MITF: variants seen among roughly 807,000 people sequenced by gnomAD.
The protein encoded by MITF is microphthalmia-associated transcription factor.
MITF carries 17 observed loss-of-function variants against 60.5 expected under a neutral mutation model. The ratio of observed to expected loss-of-function variants is 0.28; its 90% CI spans 0.19 to 0.42. The LOEUF (loss-of-function observed/expected upper bound fraction) is 0.42. Ranked by LOEUF, MITF falls within the 10% of genes least tolerant of loss-of-function variation. MITF has a pLI of 1.00. For synonymous variants in MITF, 260 were observed against 248.5 expected (o/e 1.05, Z -0.43); for missense variants, 622 against 683.5 (o/e 0.91, Z 1.00).
At chr3:69,926,470 A>G (rs774359251) in intron 2 of MITF, among the ~76,000 whole-genome samples, 27 of 152,138 alleles carry the variant, frequency 1.8e-4, no homozygotes, top group Non-Finnish European at 3.2e-4. Context: ...GTTTCTTAAG[A>G]GTGTCGGTAC....
chr3:69,767,080 A>G (rs1048069493), intron 1 of MITF, among the ~76,000 whole-genome samples: 3 of 152,220 alleles, frequency 2.0e-5, no homozygotes, highest in African/African-American at 7.2e-5. Context: ...GGGTCTAGAC[A>G]GTATTCTTCC....
rs569489933 is a variant in MITF, at chr3:69,941,228, T to C, written c.667-8T>C. 6.3e-7 allele frequency: 1 copy of C among 1,588,766 alleles called. No homozygotes were observed. The highest frequency in any genetic ancestry group is 1.1e-5 in the South Asian group (1 of 90,460). ...TTTGTCTCTCTTCTCTTACCCTTTT[T>C]CCTACAGATGGATGATGTAATCGAT... On this transcript the variant is annotated splice_region_variant and splice_polypyrimidine_tract_variant and intron_variant, in intron 4 of 9. Coordinates refer to ENST00000352241, the MANE Select transcript of MITF (RefSeq NM_001354604.2).
At chr3:69,815,552 T>C (rs1384796480) in intron 1 of MITF, among the ~76,000 whole-genome samples, 1 of 152,234 alleles carries the variant, frequency 6.6e-6, no homozygotes, top group Non-Finnish European at 1.5e-5. Context: ...CTTACTTTAT[T>C]GTAAGAATAC....
intron 1 of MITF, among the ~76,000 whole-genome samples, chr3:69,841,157 A>T (rs1329554732): frequency 6.6e-6 from 1 of 152,252 alleles, no homozygotes; most frequent in Non-Finnish European, 1.5e-5. Flanking sequence ...ATGAGAATAC[A>T]TTCAAGACTA....
At chr3:69,770,378 C>T (rs1037527144) in intron 1 of MITF, among the ~76,000 whole-genome samples, 3 of 152,134 alleles carry the variant, frequency 2.0e-5, no homozygotes, top group Non-Finnish European at 2.9e-5. Flanking sequence ...TACCTCATTA[C>T]TTTTAGAGTC....
intron 1 of MITF, among the ~76,000 whole-genome samples, chr3:69,754,342 G>A (rs780580567): frequency 3.3e-5 from 5 of 151,900 alleles, no homozygotes; most frequent in Non-Finnish European, 7.4e-5. Context: ...TCAGACTACC[G>A]AGTAGCTGGG....
intron 1 of MITF, among the ~76,000 whole-genome samples, chr3:69,754,634 T>A (rs1206850779): frequency 6.6e-6 from 1 of 152,180 alleles, no homozygotes; most frequent in Non-Finnish European, 1.5e-5. Flanking sequence ...TCTTTTTTTT[T>A]TTTTTGAAAT....
At chr3:69,862,191 G>T (rs528825278) in intron 1 of MITF, among the ~76,000 whole-genome samples, 1 of 152,164 alleles carries the variant, frequency 6.6e-6, no homozygotes, top group South Asian at 2.1e-4. Context: ...TCATTTGTTT[G>T]GGGAAAGATC....
chr3:69,818,216 AG>A (rs1559649414), intron 1 of MITF, among the ~76,000 whole-genome samples: 1 of 152,210 alleles, frequency 6.6e-6, no homozygotes. Context: ...ATGCAACTTA[AG>A]GGGACCTAGG....
At chr3:69,795,086 T>G (rs1205354352) in intron 1 of MITF, among the ~76,000 whole-genome samples, 2 of 152,190 alleles carry the variant, frequency 1.3e-5, no homozygotes, top group African/African-American at 4.8e-5. Context: ...ATGTCTTCAG[T>G]GGATGATGTA....
chr3:69,929,126 A>C (rs770156115), intron 2 of MITF, among the ~76,000 whole-genome samples: 1 of 152,122 alleles, frequency 6.6e-6, no homozygotes. Flanking sequence ...TCAGAATCCT[A>C]GCCTACAACC....
intron 2 of MITF, among the ~76,000 whole-genome samples, chr3:69,886,327 A>G (rs899581828): frequency 1.3e-5 from 2 of 152,120 alleles, no homozygotes; most frequent in African/African-American, 4.8e-5. Context: ...GATATTAATT[A>G]TAGGGTGGAT....
intron 2 of MITF, among the ~76,000 whole-genome samples, chr3:69,885,196 TTAAG>T (rs1186814975): frequency 1.3e-5 from 2 of 152,046 alleles, no homozygotes; most frequent in Non-Finnish European, 2.9e-5. Flanking sequence ...CGCTCTCTCT[TTAAG>T]TAGGAGAATC....
intron 1 of MITF, among the ~76,000 whole-genome samples, chr3:69,842,524 T>C (rs1270783748): frequency 6.6e-6 from 1 of 152,112 alleles, no homozygotes; most frequent in African/African-American, 2.4e-5. Flanking sequence ...AATTATAGCA[T>C]CAGAAGTGAA....
chr3:69,825,607 G>A (rs2063341738), intron 1 of MITF, among the ~76,000 whole-genome samples: 1 of 152,140 alleles, frequency 6.6e-6, no homozygotes, highest in African/African-American at 2.4e-5. Flanking sequence ...CTCATATCTT[G>A]TGATAGGGCC....
chr3:69,816,788 C>T (rs558034137), intron 1 of MITF, among the ~76,000 whole-genome samples: 1 of 152,244 alleles, frequency 6.6e-6, no homozygotes, highest in African/African-American at 2.4e-5. Context: ...TATTAAGGCT[C>T]ATTCATTGAT....
rs771410766 is a variant in MITF at position 69,965,254 on chromosome 3, C to G, written c.*6C>G. The G allele has an allele frequency of 6.2e-7, 1 of 1,612,500 alleles. No individual in the cohort carries two copies. Among genetic ancestry groups the G allele is most frequent in the Admixed American group, 1.7e-5 (1 of 60,008 alleles). ...AGACGGAGCACACTTGTTAGCGAAT[C>G]CTCCCTGCACTGCATTCGCACAAAC... On this transcript the variant is annotated 3_prime_UTR_variant, in exon 10 of 10. Transcript: ENST00000352241.
chr3:69,800,033 G>A (rs921548952), intron 1 of MITF, among the ~76,000 whole-genome samples: 4 of 152,142 alleles, frequency 2.6e-5, no homozygotes, highest in African/African-American at 7.2e-5. Context: ...ACTATGTTGT[G>A]TAGCTGTCAC....
chr3:69,792,576 A>G (rs926489460), intron 1 of MITF, among the ~76,000 whole-genome samples: 1 of 152,162 alleles, frequency 6.6e-6, no homozygotes, highest in African/African-American at 2.4e-5. Flanking sequence ...TATATCAACA[A>G]TCCTTCCCCA....
Sources: allele counts gnomAD v4.1 joint callset (sites outside exome capture counted in the v4.1 genomes callset), GRCh38; gene constraint gnomAD v4.1.1; transcripts MANE v1.5; gene names NCBI Gene and HGNC (gene_info 2026-07-23, HGNC 2026-07-21).